Variants in KCNC4 observed in about 807,000 individuals in gnomAD.
KCNC4 encodes voltage-gated potassium channel KCNC4.
Under a neutral mutation model 42.8 loss-of-function variants are expected in KCNC4, and 23 were observed. The observed-to-expected ratio is 0.54, with a 90% CI of 0.39 to 0.76. KCNC4 has a LOEUF of 0.76. Among genes scored for constraint, KCNC4 ranks in the 30% least tolerant of loss-of-function variants. The probability of loss-of-function intolerance (pLI) is 0.00; values close to 1 mark genes in which losing one functional copy is unlikely to be tolerated. For synonymous variants in KCNC4, 422 were observed against 393.5 expected (o/e 1.07, Z -0.86); for missense variants, 751 against 898.2 (o/e 0.84, Z 2.10).
chr1:110,260,003 G>A lies in KCNC4; in HGVS notation n.31-22531G>A, dbSNP rs537682763. On this transcript the variant is annotated intron_variant and non_coding_transcript_variant, in intron 1 of 2. Coordinates refer to the KCNC4 transcript ENST00000412512. The stretch of plus-strand genomic sequence containing the variant: ...CCAGGCTGCATTGTCCCAGCAGAAC[G>A]CCCAGCAGGCCTGGGCATGCATCTC... 3.9e-5 allele frequency among the ~76,000 whole-genome samples: 6 copies of A among 152,266 alleles called. No individual in the cohort carries two copies. The East Asian group carries it at 9.7e-4, about 25-fold the overall frequency.
chr1:110,269,648 T>C (rs1290199428), intron 1 of KCNC4, among the ~76,000 whole-genome samples: 1 of 152,366 alleles, frequency 6.6e-6, no homozygotes, highest in Admixed American at 6.5e-5. Flanking sequence ...TCATTTCTCC[T>C]GGTAAATACC....
chr1:110,280,696 T>G (rs1201531400), intron 1 of KCNC4, among the ~76,000 whole-genome samples: 1 of 152,162 alleles, frequency 6.6e-6, no homozygotes, highest in Non-Finnish European at 1.5e-5. Flanking sequence ...ACAACAAATT[T>G]TTTTTCAGTA....
chr1:110,268,638 GA>G (rs913560317), intron 1 of KCNC4, among the ~76,000 whole-genome samples: 1 of 139,312 alleles, frequency 7.2e-6, no homozygotes, highest in Non-Finnish European at 1.6e-5. Flanking sequence ...GAAAAGAAAA[GA>G]AAAAAAAAGA....
chr1:110,239,614 A>G (rs1052856019), exon 4 of KCNC4: 6 of 152,218 alleles, frequency 3.9e-5, no homozygotes, highest in African/African-American at 1.2e-4. Flanking sequence ...TAGGCCTGGC[A>G]TGAGCAGCTG....
intron 1 of KCNC4, among the ~76,000 whole-genome samples, chr1:110,254,868 G>A (rs140335306): frequency 6.6e-6 from 1 of 152,316 alleles, no homozygotes; most frequent in East Asian, 1.9e-4. Flanking sequence ...CAGTGCTGTA[G>A]AACAGCCCAC....
chr1:110,261,893 A>G (rs1659461269), intron 1 of KCNC4, among the ~76,000 whole-genome samples: 1 of 152,216 alleles, frequency 6.6e-6, no homozygotes, highest in Admixed American at 6.5e-5. Flanking sequence ...TGTTTTTCTT[A>G]TACAAAACAA....
chr1:110,263,541 C>T (rs1659489577), intron 1 of KCNC4, among the ~76,000 whole-genome samples: 1 of 152,046 alleles, frequency 6.6e-6, no homozygotes, highest in African/African-American at 2.4e-5. Context: ...TTGGGCAACA[C>T]AGACAGACAG....
Position 110,226,117 on chromosome 1 carries a change from A to G in KCNC4, c.1758A>G (p.Ala586=), listed in dbSNP as rs201758498. 1.4e-4 allele frequency: 225 copies of G among 1,613,992 alleles called. No individual in the cohort carries two copies. The highest frequency in any genetic ancestry group is 1.8e-4 in the Non-Finnish European group (212 of 1,180,008). The change falls in exon 3 of 4, where the codon GCA becomes GCG. Residue 586 remains alanine, a synonymous_variant. Coordinates refer to ENST00000438661, the MANE Select transcript of KCNC4 (RefSeq NM_001039574.3). ...RSTTRDRNKK[A]AACFLLSTGD... is the part of the protein sequence containing the mutation. ...CCACTCGAGACAGAAACAAGAAGGC[A>G]GCTGCCTGCTTCCTGCTCAGCACTG...
At chr1:110,219,142 A>C (rs916542507) in intron 1 of KCNC4, among the ~76,000 whole-genome samples, 1 of 152,242 alleles carries the variant, frequency 6.6e-6, no homozygotes, top group South Asian at 2.1e-4. Context: ...TCTGTAAAAC[A>C]GCAGAAATGG....
intron 1 of KCNC4, among the ~76,000 whole-genome samples, chr1:110,278,172 A>G (rs1220445923): frequency 7.0e-6 from 1 of 143,590 alleles, no homozygotes; most frequent in Non-Finnish European, 1.5e-5. Flanking sequence ...GGAAGGAAGG[A>G]AGGGAGGGAG....
At chr1:110,214,979 C>G (rs540212451) in intron 1 of KCNC4, among the ~76,000 whole-genome samples, 15 of 152,168 alleles carry the variant, frequency 9.9e-5, no homozygotes, top group Admixed American at 5.2e-4. Context: ...CTGTTCCCCC[C>G]GGTATATGTG....
downstream of KCNC4, chr1:110,236,283 CACA>C (rs895889400): frequency 3.3e-5 from 5 of 152,164 alleles, no homozygotes; most frequent in African/African-American, 1.2e-4. Context: ...AGAAAACCAA[CACA>C]ACAATGTCAG....
At chr1:110,232,119 G>C (rs1002612665) in intron 3 of KCNC4, 2 of 1,130,014 alleles carry the variant, frequency 1.8e-6, no homozygotes, top group Middle Eastern at 1.9e-4. Flanking sequence ...GAAAGGCCCA[G>C]GTGGTAGACA....
Position 110,211,870 on chromosome 1 carries a change from C to G in KCNC4, c.371C>G (p.Pro124Arg). 1 of 1,611,726 alleles carries G rather than the reference C, an allele frequency of 6.2e-7. No homozygotes were observed. The highest frequency in any genetic ancestry group is 8.5e-7 in the Non-Finnish European group (1 of 1,179,864). The change falls in exon 1 of 4, where the codon CCG (proline) becomes CGG (arginine). Residue 124 changes from proline (P) to arginine (R), a missense_variant. Coordinates refer to ENST00000438661, the MANE Select transcript of KCNC4 (RefSeq NM_001039574.3). The surrounding 1 kb of genome is among the most constrained non-coding windows in gnomAD (Gnocchi z 6.5). ...CACTGCCCCGCGGACGTGTGCGGGCCGCTCTTCGAAGAGGAGCTCACCTTC... is the reference window on the plus strand; with the variant it reads ...CACTGCCCCGCGGACGTGTGCGGGCGGCTCTTCGAAGAGGAGCTCACCTTC... ...KLHCPADVCG[P>R]LFEEELTFWG...
In KCNC4 at chr1:110,219,383, C is replaced by A. The variant is rs1243877080; in HGVS notation, c.679-3581C>A. On this transcript the variant is annotated intron_variant, in intron 1 of 3. Coordinates refer to ENST00000438661, the MANE Select transcript of KCNC4 (RefSeq NM_001039574.3). ...CTGTGAAGGGGGTACTAGTACTGTC[C>A]CCATTTTATATAGAGGAAACAGGTG... 3.3e-5 allele frequency among the ~76,000 whole-genome samples: 5 copies of A among 152,172 alleles called. 1 individual carries two copies. In the South Asian group the frequency reaches 1.0e-3, roughly 32 times the overall value.
chr1:110,214,760 T>TA (rs1224734863), intron 1 of KCNC4, among the ~76,000 whole-genome samples: 1 of 152,242 alleles, frequency 6.6e-6, no homozygotes, highest in Non-Finnish European at 1.5e-5. Context: ...GCTTGTTTCT[T>TA]ACTGTAGCCT....
At position 110,223,894 on chromosome 1, in the gene KCNC4, C is replaced by A; in HGVS notation, c.1609C>A (p.Arg537=). 1.3e-6 allele frequency: 2 copies of A among 1,588,402 alleles called. No individual in the cohort carries two copies. The highest frequency in any genetic ancestry group is 1.1e-5 in the South Asian group (1 of 87,212). ...GGAAGAGGGTATGATCGAGAGGAAA[C>A]GGGCAGGTGAGATTAGGGGTTGGGA... is the stretch of plus-strand genomic sequence containing the variant. ...AREEGMIERK[R]ADSKQNGDAN... is the part of the protein sequence containing the mutation. Residue 537 remains arginine, a synonymous_variant, in exon 2 of 4, where the codon CGG becomes AGG. Transcript: ENST00000438661. This position sits in a 1 kb window ranked among gnomAD's most constrained non-coding sequence, Gnocchi z 7.5.
At chr1:110,229,482 G>A (rs751955192) in intron 3 of KCNC4, among the ~76,000 whole-genome samples, 11 of 152,116 alleles carry the variant, frequency 7.2e-5, no homozygotes, top group Non-Finnish European at 1.5e-4. Context: ...CTGCAGCATC[G>A]CTCTCCACGC....
intron 3 of KCNC4, 99 bp from the exon 4 acceptor site, chr1:110,232,812 C>CT: frequency 6.5e-7 from 1 of 1,548,634 alleles, no homozygotes; most frequent in Non-Finnish European, 8.7e-7. Context: ...TTGTTTCTCC[C>CT]TTTCTTTTGC....
Sources: allele counts gnomAD v4.1 joint callset (sites outside exome capture counted in the v4.1 genomes callset), GRCh38; gene constraint gnomAD v4.1.1; non-coding constraint Gnocchi (gnomAD v3.1); transcripts MANE v1.5; gene names NCBI Gene and HGNC (gene_info 2026-07-23, HGNC 2026-07-21).